Variants in KLHL14 observed in about 807,000 individuals in gnomAD.
KLHL14 encodes kelch-like protein 14.
Under a neutral mutation model 64.3 loss-of-function variants are expected in KLHL14, and 22 were observed. The ratio of observed to expected loss-of-function variants is 0.34; its 90% CI spans 0.24 to 0.49. KLHL14 has a LOEUF of 0.49. Ranked by LOEUF, KLHL14 falls within the 20% of genes least tolerant of loss-of-function variation. The pLI is 0.99. For synonymous variants in KLHL14, 322 were observed against 333.4 expected (o/e 0.97, Z 0.37); for missense variants, 661 against 789.0 (o/e 0.84, Z 1.94).
chr18:32,746,788 CT>C (rs964713563), intron 2 of KLHL14, among the ~76,000 whole-genome samples: 3 of 152,142 alleles, frequency 2.0e-5, no homozygotes, highest in African/African-American at 7.2e-5. Context: ...TAGAAGAAAA[CT>C]TTGAGGTAAT....
intron 2 of KLHL14, among the ~76,000 whole-genome samples, chr18:32,766,802 T>A (rs1030423945): frequency 1.3e-5 from 2 of 152,222 alleles, no homozygotes; most frequent in East Asian, 1.9e-4. Flanking sequence ...ATTTGAGTAT[T>A]TGTATAAAGA....
intron 2 of KLHL14, among the ~76,000 whole-genome samples, chr18:32,750,049 G>A (rs986822579): frequency 2.6e-5 from 4 of 151,680 alleles, no homozygotes; most frequent in African/African-American, 9.7e-5. Context: ...GAGAGAGAGA[G>A]AGGAGAGCAC....
chr18:32,704,102 G>T (rs1281243546), intron 3 of KLHL14, among the ~76,000 whole-genome samples: 3 of 152,094 alleles, frequency 2.0e-5, no homozygotes, highest in African/African-American at 7.2e-5. Flanking sequence ...CCCTCTAAAT[G>T]AATTAAAGTA....
rs1202940307 is a variant in KLHL14 at position 32,770,580 on chromosome 18, G to A, written c.12C>T (p.Ser4=). 2.5e-6 allele frequency: 4 copies of A among 1,576,420 alleles called. No individual in the cohort carries two copies. In the East Asian group the frequency reaches 9.0e-5, roughly 36 times the overall value. MSR[S]GDRTSTFDPS... ...GGTCGAAGGTGGAGGTCCTGTCCCC[G>A]GATCTGGACATGGCGAGCTGACTCG... The change falls in exon 2 of 9, where the codon TCC becomes TCT. Residue 4 remains serine, a synonymous_variant. Transcript: ENST00000359358. This position sits in a 1 kb window ranked among gnomAD's most constrained non-coding sequence, Gnocchi z 6.7.
At chr18:32,737,189 G>T (rs967620059) in intron 3 of KLHL14, among the ~76,000 whole-genome samples, 1 of 152,004 alleles carries the variant, frequency 6.6e-6, no homozygotes, top group Non-Finnish European at 1.5e-5. Flanking sequence ...AAATTAAATG[G>T]TTTGTGGGTT....
chr18:32,730,708 T>C (rs193149940), intron 3 of KLHL14, among the ~76,000 whole-genome samples: 12 of 152,314 alleles, frequency 7.9e-5, no homozygotes, highest in Admixed American at 5.9e-4. Flanking sequence ...AAGTGATACA[T>C]CATTGCCTTA....
intron 3 of KLHL14, among the ~76,000 whole-genome samples, chr18:32,723,088 C>T (rs866282799): frequency 1.3e-5 from 2 of 152,226 alleles, no homozygotes; most frequent in Middle Eastern, 3.4e-3. Context: ...CATGTCACTC[C>T]CCTTTGCTTC....
intron 3 of KLHL14, among the ~76,000 whole-genome samples, chr18:32,706,933 G>C (rs1031522118): frequency 3.9e-5 from 6 of 152,134 alleles, no homozygotes; most frequent in Non-Finnish European, 5.9e-5. Context: ...GTGTGAGGGA[G>C]AGCTGGGGGA....
intron 3 of KLHL14, among the ~76,000 whole-genome samples, chr18:32,727,225 TA>T (rs2050112587): frequency 6.6e-6 from 1 of 152,136 alleles, no homozygotes; most frequent in East Asian, 1.9e-4. Context: ...ATGGGAAACT[TA>T]ACAATTTTTC....
chr18:32,770,166 G>A lies in KLHL14; in HGVS notation c.426C>T (p.Leu142=), dbSNP rs1380014115. 9.9e-6 allele frequency: 16 copies of A among 1,613,982 alleles called. No homozygotes were observed. The highest frequency in any genetic ancestry group is 1.4e-5 in the Non-Finnish European group (16 of 1,179,896). ...GGGACAGGGTCACGTTGGCCGTGTA[G>A]AGGTACTCGAGCACCAGGCGCAGCC... ...SIGLRLVLEY[L]YTANVTLSLD... is the part of the protein sequence containing the mutation. Residue 142 remains leucine (L), a synonymous_variant, in exon 2 of 9, where the codon CTC becomes CTT. Transcript: ENST00000359358. This position sits in a 1 kb window ranked among gnomAD's most constrained non-coding sequence, Gnocchi z 6.7.
At chr18:32,727,892 T>C (rs963441087) in intron 3 of KLHL14, among the ~76,000 whole-genome samples, 1 of 152,190 alleles carries the variant, frequency 6.6e-6, no homozygotes, top group Non-Finnish European at 1.5e-5. Context: ...ACACAGTTTT[T>C]CTCTCTTTAG....
Position 32,680,207 on chromosome 18 carries a change from T to G in KLHL14, c.1550A>C (p.Asn517Thr). 6.2e-7 allele frequency: 1 copy of G among 1,613,834 alleles called. No individual in the cohort carries two copies. The highest frequency in any genetic ancestry group is 8.5e-7 in the Non-Finnish European group (1 of 1,179,794). The change falls in exon 7 of 9, where the codon AAT becomes ACT. Residue 517 changes from asparagine (N) to threonine (T), a missense_variant. Physicochemically the swap from Asn to Thr is moderately conservative, Grantham distance 65. Transcript: ENST00000359358. This position sits in a 1 kb window ranked among gnomAD's most constrained non-coding sequence, Gnocchi z 4.8. ...TCCTCCAATTGCATACAAGCGATCA[T>G]TCATTACAGCCAAAGTGTGAATTGC... is the stretch of plus-strand genomic sequence containing the variant. ...KRAIHTLAVM[N>T]DRLYAIGGNH...
At chr18:32,714,090 C>T (rs2050033252) in intron 3 of KLHL14, among the ~76,000 whole-genome samples, 1 of 151,852 alleles carries the variant, frequency 6.6e-6, no homozygotes, top group Non-Finnish European at 1.5e-5. Context: ...TGCTTTTTTA[C>T]TAAATTTTAG....
Position 32,674,088 on chromosome 18 carries a change from TGAAATGAAGTTGTATA to T in KLHL14, c.*553_*568del, listed in dbSNP as rs2049798813. ...AGGTGCTGTAAGGGCAGAAGGTGTA[TGAAATGAAGTTGTATA>T]GAAACGAAAATGCCTCTCTTTAATC... On this transcript the variant is annotated 3_prime_UTR_variant, in exon 9 of 9. Transcript: ENST00000359358. 6.6e-6 allele frequency: 1 copy of T among 152,258 alleles called. No individual in the cohort carries two copies. The highest frequency in any genetic ancestry group is 2.1e-4 in the South Asian group (1 of 4,842). 9.4% of individuals were successfully genotyped at this position (152,258 alleles called of 1,614,324 possible).
intron 3 of KLHL14, among the ~76,000 whole-genome samples, chr18:32,733,037 G>T (rs1319441771): frequency 1.3e-5 from 2 of 152,280 alleles, no homozygotes; most frequent in Non-Finnish European, 2.9e-5. Flanking sequence ...CTCAGAAAAA[G>T]CTGGCCCATT....
At chr18:32,698,830 C>T (rs2049948922) in intron 3 of KLHL14, among the ~76,000 whole-genome samples, 1 of 152,090 alleles carries the variant, frequency 6.6e-6, no homozygotes. Context: ...ACCATTTTTG[C>T]CCGTTCCACT....
chr18:32,763,186 T>C (rs2050323679), intron 2 of KLHL14, among the ~76,000 whole-genome samples: 1 of 152,074 alleles, frequency 6.6e-6, no homozygotes, highest in Non-Finnish European at 1.5e-5. Flanking sequence ...ATTGGCTCAT[T>C]CTATTTTTAG....
chr18:32,711,113 A>T (rs2050017045), intron 3 of KLHL14, among the ~76,000 whole-genome samples: 1 of 152,168 alleles, frequency 6.6e-6, no homozygotes, highest in Non-Finnish European at 1.5e-5. Context: ...AAAAGCCATC[A>T]TCTCAAAGTG....
At position 32,683,448 on chromosome 18, in the gene KLHL14, G is replaced by C. The variant is rs2421640; in HGVS notation, c.1239-2849C>G. 0.96 allele frequency among the ~76,000 whole-genome samples: 145,888 copies of C among 152,288 alleles called. 70,169 individuals carry two copies. Among genetic ancestry groups the C allele is most frequent in the Non-Finnish European group, 1 (68,001 of 68,040 alleles). On this transcript the variant is annotated intron_variant, in intron 5 of 8. Transcript: ENST00000359358. This position sits in a 1 kb window ranked among gnomAD's most constrained non-coding sequence, Gnocchi z 4.2. ...CTGCCAGCAACTGTGAACATTCACTGTAGGCTAAAATCTTCCCATACCAGG... is the reference window on the plus strand; with the variant it reads ...CTGCCAGCAACTGTGAACATTCACTCTAGGCTAAAATCTTCCCATACCAGG...
Sources: allele counts gnomAD v4.1 joint callset (sites outside exome capture counted in the v4.1 genomes callset), GRCh38; gene constraint gnomAD v4.1.1; non-coding constraint Gnocchi (gnomAD v3.1); transcripts MANE v1.5; gene names NCBI Gene and HGNC (gene_info 2026-07-23, HGNC 2026-07-21).